The following COL14A1 variants were observed in gnomAD, a reference collection of about 807,000 sequenced individuals.
COL14A1 encodes collagen type XIV alpha 1 chain, also known as collagen alpha-1(XIV) chain.
Under a neutral mutation model 230.3 loss-of-function variants are expected in COL14A1, and 136 were observed. The ratio of observed to expected loss-of-function variants is 0.59; its 90% CI spans 0.51 to 0.68. The LOEUF is 0.68. Among genes scored for constraint, COL14A1 ranks in the 30% least tolerant of loss-of-function variants. The pLI is 0.00. For synonymous variants in COL14A1, 792 were observed against 784.1 expected (o/e 1.01, Z -0.17); for missense variants, 1,976 against 2,215.8 (o/e 0.89, Z 2.17).
At chr8:120,275,232 A>G (rs961081385) in intron 26 of COL14A1, among the ~76,000 whole-genome samples, 4 of 152,038 alleles carry the variant, frequency 2.6e-5, no homozygotes, top group Non-Finnish European at 5.9e-5. Flanking sequence ...ATTCAAAAAC[A>G]TAAATTGGGG....
rs765323761 is a variant in COL14A1 at position 120,197,949 on chromosome 8, A to G, written c.712+19A>G. 1 of 1,611,260 alleles carries G rather than the reference A, an allele frequency of 6.2e-7. No homozygotes were observed. Among genetic ancestry groups the G allele is most frequent in the Non-Finnish European group, 8.5e-7 (1 of 1,178,132 alleles). Reference sequence around the variant, plus strand: ...CTAACAGGTATGTTTTGTTCAATCCATGTTATAACAACATATCTTTTTGAA... The same window carrying G: ...CTAACAGGTATGTTTTGTTCAATCCGTGTTATAACAACATATCTTTTTGAA... On this transcript the variant is annotated intron_variant, in intron 7 of 47. Transcript: ENST00000297848.
intron 44 of COL14A1, among the ~76,000 whole-genome samples, chr8:120,344,518 T>A (rs772069517): frequency 3.3e-5 from 5 of 152,214 alleles, no homozygotes; most frequent in African/African-American, 7.2e-5. Context: ...CAGGCAACAA[T>A]GGACGTGCCT....
At chr8:120,261,174 T>A (rs1182117920) in intron 23 of COL14A1, among the ~76,000 whole-genome samples, 1 of 152,234 alleles carries the variant, frequency 6.6e-6, no homozygotes, top group Non-Finnish European at 1.5e-5. Flanking sequence ...TTGATCATTG[T>A]ACATTGTATA....
chr8:120,301,251 A>G (rs1820700306), intron 36 of COL14A1, among the ~76,000 whole-genome samples: 1 of 152,022 alleles, frequency 6.6e-6, no homozygotes, highest in African/African-American at 2.4e-5. Context: ...TGTTACATAG[A>G]TAGGTGAACT....
chr8:120,206,607 C>T (rs1485473961), intron 9 of COL14A1, among the ~76,000 whole-genome samples: 1 of 152,204 alleles, frequency 6.6e-6, no homozygotes, highest in African/African-American at 2.4e-5. Flanking sequence ...CCTCGGCCTC[C>T]CAAAGTGTTG....
Position 120,279,935 on chromosome 8 carries a change from G to C in COL14A1, c.3482G>C (p.Gly1161Ala), listed in dbSNP as rs751889263. ...NKISREMQLD[G>A]YSIFAIGVAD... ...GAAATCTGTTCTCTGTCTGCCACAG[G>C]CTATAGCATTTTTGCAATTGGTGTG... Residue 1161 changes from glycine (G) to alanine (A), a missense_variant and splice_region_variant, in exon 29 of 48, where the codon GGC becomes GCC. Transcript: ENST00000297848. The C allele has an allele frequency of 2.4e-5, 38 of 1,613,182 alleles. No individual in the cohort carries two copies. In the South Asian group the frequency reaches 3.8e-4, roughly 16 times the overall value.
At chr8:120,308,026 G>C (rs1470693734) in intron 36 of COL14A1, among the ~76,000 whole-genome samples, 4 of 152,174 alleles carry the variant, frequency 2.6e-5, no homozygotes, top group Non-Finnish European at 5.9e-5. Context: ...CTGTCGCTTA[G>C]GCTGGGGTGC....
At position 120,283,785 on chromosome 8, in the gene COL14A1, A is replaced by T; in HGVS notation, c.3967+7A>T. 2.5e-6 allele frequency: 4 copies of T among 1,603,848 alleles called. No individual in the cohort carries two copies. The highest frequency in any genetic ancestry group is 3.4e-6 in the Non-Finnish European group (4 of 1,176,546). ...GTTGGGGTTATTTTAGACAGTAAGT[A>T]TATTTATTGAGATCACATTCACATA... On this transcript the variant is annotated splice_region_variant and intron_variant, in intron 32 of 47. Coordinates refer to ENST00000297848, the MANE Select transcript of COL14A1 (RefSeq NM_021110.4).
At chr8:120,321,433 G>A (rs575236360) in intron 40 of COL14A1, among the ~76,000 whole-genome samples, 20 of 152,046 alleles carry the variant, frequency 1.3e-4, no homozygotes, top group African/African-American at 4.3e-4. Flanking sequence ...AAGGTCAGGC[G>A]TTCAAGACAA....
chr8:120,212,654 T>G (rs935115543), intron 13 of COL14A1, 77 bp downstream of exon 13: 24 of 1,545,734 alleles, frequency 1.6e-5, no homozygotes, highest in Middle Eastern at 1.7e-4. Context: ...TTGGAACTAC[T>G]AGTTTTGTTG....
chr8:120,132,056 G>C (rs1286835384), intron 1 of COL14A1, among the ~76,000 whole-genome samples: 1 of 151,838 alleles, frequency 6.6e-6, no homozygotes, highest in East Asian at 1.9e-4. Flanking sequence ...CACTGTGTTA[G>C]CCAGGATGGT....
chr8:120,176,288 T>C (rs933939492), intron 5 of COL14A1, among the ~76,000 whole-genome samples: 4 of 152,176 alleles, frequency 2.6e-5, no homozygotes, highest in African/African-American at 9.6e-5. Context: ...GGCAGAATTC[T>C]ACCCTCATGG....
At chr8:120,335,524 G>A (rs7821701) in intron 42 of COL14A1, among the ~76,000 whole-genome samples, 4 of 151,916 alleles carry the variant, frequency 2.6e-5, no homozygotes, top group Non-Finnish European at 4.4e-5. Context: ...GCTTGCTGGC[G>A]GCCAGACTGG....
At position 120,285,858 on chromosome 8, in the gene COL14A1, T is replaced by A; in HGVS notation, c.3968-3T>A. On this transcript the variant is annotated splice_region_variant and splice_polypyrimidine_tract_variant and intron_variant, in intron 32 of 47. Coordinates refer to ENST00000297848, the MANE Select transcript of COL14A1 (RefSeq NM_021110.4). ...TAAAATATTTTTATTTTTCTTTCAA[T>A]AGATGGTGGGAAAACTCTAACATAT... The A allele has an allele frequency of 1.3e-6, 2 of 1,542,628 alleles. No individual in the cohort carries two copies. Among genetic ancestry groups the A allele is most frequent in the Non-Finnish European group, 1.8e-6 (2 of 1,132,656 alleles).
At position 120,181,549 on chromosome 8, in the gene COL14A1, A is replaced by C. The variant is rs916417289; in HGVS notation, c.436+13302A>C. On this transcript the variant is annotated intron_variant, in intron 5 of 47. Transcript: ENST00000297848. The stretch of plus-strand genomic sequence containing the variant: ...TTTTATCTGTTAAGTATAAGTATAC[A>C]ATACATACATAAACAGCTATATGGT... Among the ~76,000 whole-genome samples the C allele has an allele frequency of 3.7e-4, 56 of 152,334 alleles. 1 individual carries two copies. Among genetic ancestry groups the C allele is most frequent in the Non-Finnish European group, 1.2e-4 (8 of 68,034 alleles).
At chr8:120,340,054 A>G (rs1490895441) in intron 42 of COL14A1, among the ~76,000 whole-genome samples, 1 of 151,118 alleles carries the variant, frequency 6.6e-6, no homozygotes, top group Non-Finnish European at 1.5e-5. Context: ...AAAAAAAAAA[A>G]AAAAGTGTGT....
intron 8 of COL14A1, among the ~76,000 whole-genome samples, chr8:120,201,715 G>A (rs1817254766): frequency 6.6e-6 from 1 of 152,156 alleles, no homozygotes; most frequent in East Asian, 1.9e-4. Flanking sequence ...TATTCACAAT[G>A]TGGCTTATAG....
intron 6 of COL14A1, 38 bp downstream of exon 6, chr8:120,196,984 A>C: frequency 3.1e-6 from 5 of 1,590,412 alleles, no homozygotes; most frequent in Non-Finnish European, 4.3e-6. Flanking sequence ...GTCAGTTGTC[A>C]GTGCAAAACT....
chr8:120,289,700 G>T lies in COL14A1; in HGVS notation c.4170G>T (p.Thr1390=). 1 of 1,614,086 alleles carries T rather than the reference G, an allele frequency of 6.2e-7. No homozygotes were observed. The highest frequency in any genetic ancestry group is 2.2e-5 in the East Asian group (1 of 44,864). Residue 1390 remains threonine, a synonymous_variant, in exon 34 of 48, where the codon ACG becomes ACT. Transcript: ENST00000297848. ...EKAMNASANI[T]SDGVEVLGKM... ...CAATGAACGCATCAGCTAATATCAC[G>T]TCAGATGGTGTAGAAGTGCTAGGGA...
Sources: gnomAD v4.1 joint callset for allele counts (sites outside exome capture counted in the v4.1 genomes callset) on GRCh38, gnomAD v4.1.1 for gene constraint, MANE v1.5 for transcripts, NCBI Gene and HGNC (gene_info 2026-07-23, HGNC 2026-07-21) for gene names.